The following COL9A3 variants were observed in gnomAD, a reference collection of about 807,000 sequenced individuals.
The protein encoded by COL9A3 is collagen type IX alpha 3 chain.
A neutral mutation model predicts 110.2 loss-of-function variants in COL9A3; 82 were observed. That is an observed-to-expected ratio of 0.74 (90% CI 0.62 to 0.89). COL9A3 has a LOEUF of 0.89. Among genes scored for constraint, COL9A3 ranks in the 40% least tolerant of loss-of-function variants. The probability of loss-of-function intolerance (pLI) is 0.00; values close to 1 mark genes in which losing one functional copy is unlikely to be tolerated. For missense variants in COL9A3, 1,066 were observed against 981.3 expected (o/e 1.09, Z -1.15); for synonymous variants, 494 against 403.8 (o/e 1.22, Z -2.68).
chr20:62,829,739 C>T (rs6011409), intron 21 of COL9A3, 27 bp from the exon 22 acceptor site: 5 of 1,594,026 alleles, frequency 3.1e-6, no homozygotes, highest in Admixed American at 1.8e-5. Context: ...AGACCCTGCC[C>T]TGACACCCTC....
chr20:62,820,971 G>C (rs2063508120), intron 5 of COL9A3, among the ~76,000 whole-genome samples: 1 of 152,142 alleles, frequency 6.6e-6, no homozygotes, highest in African/African-American at 2.4e-5. Context: ...GCGAGCGCTG[G>C]GACTCTGGTG....
chr20:62,821,076 C>G (rs2063508666), intron 5 of COL9A3, 105 bp from the exon 6 acceptor site: 1 of 1,205,818 alleles, frequency 8.3e-7, no homozygotes, highest in Non-Finnish European at 1.2e-6. Flanking sequence ...GACTTGGACC[C>G]TGTTGTCCTG....
Position 62,833,022 on chromosome 20 carries a change from T to C in COL9A3, c.1326T>C (p.Gly442=). Residue 442 remains glycine (G), a splice_region_variant and synonymous_variant, in exon 26 of 32, where the codon GGT becomes GGC. Transcript: ENST00000649368. Reference sequence around the variant, plus strand: ...ACTTTGGGGTGTATCGTTTTCAGGGTATTGCAGGTTCCGACGGTCTTCCTG... The same window carrying C: ...ACTTTGGGGTGTATCGTTTTCAGGGCATTGCAGGTTCCGACGGTCTTCCTG... ...GGAAGPKGDQ[G]IAGSDGLPGD... The C allele has an allele frequency of 6.2e-7, 1 of 1,613,760 alleles. No homozygotes were observed. The highest frequency in any genetic ancestry group is 8.5e-7 in the Non-Finnish European group (1 of 1,179,770).
chr20:62,835,891 A>C, intron 26 of COL9A3, 30 bp from the exon 27 acceptor site: 1 of 1,614,042 alleles, frequency 6.2e-7, no homozygotes. Flanking sequence ...CAATACACTT[A>C]GTTCAAACAC....
chr20:62,824,482 C>G lies in COL9A3; in HGVS notation c.557C>G (p.Pro186Arg). The G allele has an allele frequency of 6.3e-7, 1 of 1,599,576 alleles. No individual in the cohort carries two copies. The highest frequency in any genetic ancestry group is 1.1e-5 in the South Asian group (1 of 88,748). Residue 186 changes from proline (P) to arginine (R), a missense_variant, in exon 11 of 32, where the codon CCT becomes CGT. By Grantham distance (103) the Pro-to-Arg change is moderately radical (BLOSUM62 -2). Transcript: ENST00000649368. The stretch of plus-strand genomic sequence containing the variant: ...TGCCCGCCAGGTCCCCCAGGGCCCC[C>G]TGGAATGCCAGGGTTCAAGGTGAGT... ...SICPPGPPGP[P>R]GMPGFKGPTG...
Position 62,829,662 on chromosome 20 carries a change from C to A in COL9A3, c.1088C>A (p.Ser363Tyr), listed in dbSNP as rs376007941. Residue 363 changes from serine (S) to tyrosine (Y), a missense_variant, in exon 21 of 32, where the codon TCT (serine) becomes TAT (tyrosine). Coordinates refer to ENST00000649368, the MANE Select transcript of COL9A3 (RefSeq NM_001853.4). ...GGGGAGCTGGGTGAGGCCGGCCCCT[C>A]TGGAGAGCCAGGCGTCCCTGTGAGT... ...RAGELGEAGP[S>Y]GEPGVPGDAG... The A allele has an allele frequency of 2.5e-6, 4 of 1,609,524 alleles. No homozygotes were observed. In the South Asian group the frequency reaches 4.4e-5, roughly 18 times the overall value.
Position 62,827,172 on chromosome 20 carries a change from G to A in COL9A3, c.793-69G>A. On this transcript the variant is annotated intron_variant, in intron 15 of 31. Coordinates refer to ENST00000649368, the MANE Select transcript of COL9A3 (RefSeq NM_001853.4). ...CTGTCCCCCGCCCGGGCCTGGAGGG[G>A]CCCCCGTCCTACTCTCCGACCAACT... is the stretch of plus-strand genomic sequence containing the variant. The A allele has an allele frequency of 5.1e-6, 8 of 1,555,602 alleles. No homozygotes were observed. In the South Asian group the frequency reaches 8.9e-5, roughly 17 times the overall value.
rs1242629502 is a variant in COL9A3 at position 62,822,597 on chromosome 20, C to T, written c.484C>T (p.Pro162Ser). ...PPGPPGPPGH[P>S]GVLPEGATDL... ...CTGTCTCTTTTTGTCTTAGGGACAC[C>T]CAGGAGTCCTCCCTGAAGGCGCTAC... The change falls in exon 10 of 32, where the codon CCA (proline) becomes TCA (serine). Residue 162 changes from proline to serine, a missense_variant. Physicochemically the swap from Pro to Ser is moderately conservative, Grantham distance 74 (BLOSUM62 -1). Transcript: ENST00000649368. 4 of 1,612,578 alleles carry T rather than the reference C, an allele frequency of 2.5e-6. No individual in the cohort carries two copies. The highest frequency in any genetic ancestry group is 2.2e-5 in the East Asian group (1 of 44,886).
chr20:62,816,972 G>A, upstream of COL9A3: 4 of 715,654 alleles, frequency 5.6e-6, no homozygotes, highest in Non-Finnish European at 5.5e-6. Flanking sequence ...GCAGGCGGGG[G>A]CGGGAAGGGG....
chr20:62,834,350 G>A (rs1371764009), intron 26 of COL9A3, among the ~76,000 whole-genome samples: 1 of 152,194 alleles, frequency 6.6e-6, no homozygotes, highest in Non-Finnish European at 1.5e-5. Flanking sequence ...ACTTCCACAG[G>A]CCTAAAACTC....
At position 62,821,166 on chromosome 20, in the gene COL9A3, G is replaced by A; in HGVS notation, c.310-15G>A. On this transcript the variant is annotated splice_polypyrimidine_tract_variant and intron_variant, in intron 5 of 31. Transcript: ENST00000649368. ...GAGGCCCAGCCCAACCTAGACGCCTGCTTTCCTCCCACAGGGAAGTCTGGG... is the reference window on the plus strand; with the variant it reads ...GAGGCCCAGCCCAACCTAGACGCCTACTTTCCTCCCACAGGGAAGTCTGGG... 25 of 1,612,742 alleles carry A rather than the reference G, an allele frequency of 1.6e-5. No homozygotes were observed. Among genetic ancestry groups the A allele is most frequent in the Non-Finnish European group, 2.0e-5 (24 of 1,179,646 alleles).
intron 12 of COL9A3, chr20:62,825,447 T>G: frequency 2.6e-6 from 1 of 381,068 alleles, no homozygotes; most frequent in Non-Finnish European, 4.8e-6. Flanking sequence ...AGGGTGTCTG[T>G]CCATGGTCAC....
chr20:62,830,192 T>G (rs1158702195), intron 22 of COL9A3, among the ~76,000 whole-genome samples, 168 bp from the exon 23 acceptor site: 1 of 152,050 alleles, frequency 6.6e-6, no homozygotes, highest in Non-Finnish European at 1.5e-5. Context: ...CCCCCTAAAC[T>G]GCCCTGGGAG....
At position 62,819,849 on chromosome 20, in the gene COL9A3, G is replaced by A. The variant is rs532678240; in HGVS notation, c.256-80G>A. ...CCTCTCTGGACTCACCAAGGGAAGG[G>A]TCCGTGCTTCCATTTTTGCCTGGGG... is the stretch of plus-strand genomic sequence containing the variant. On this transcript the variant is annotated intron_variant, in intron 4 of 31. Coordinates refer to ENST00000649368, the MANE Select transcript of COL9A3 (RefSeq NM_001853.4). 9.7e-5 allele frequency: 146 copies of A among 1,510,256 alleles called. No homozygotes were observed. In the African/African-American group the frequency reaches 1.9e-3, roughly 20 times the overall value. 93.6% of individuals were successfully genotyped at this position (1,510,256 alleles called of 1,614,324 possible).
At chr20:62,820,128 G>A in intron 5 of COL9A3, 146 bp downstream of exon 5, 1 of 949,636 alleles carries the variant, frequency 1.1e-6, no homozygotes, top group Non-Finnish European at 1.6e-6. Flanking sequence ...GGGCAGAAGG[G>A]CAGGGTGCCA....
chr20:62,823,111 A>G (rs1213254916), intron 10 of COL9A3, among the ~76,000 whole-genome samples: 1 of 152,164 alleles, frequency 6.6e-6, no homozygotes, highest in Non-Finnish European at 1.5e-5. Flanking sequence ...CCCAGACAGG[A>G]GGATCGCTTA....
Position 62,822,041 on chromosome 20 carries a change from T to C in COL9A3, c.424-70T>C, listed in dbSNP as rs191513186. 4,967 of 982,248 alleles carry C rather than the reference T, an allele frequency of 5.1e-3. 22 individuals carry two copies. Among genetic ancestry groups the C allele is most frequent in the Non-Finnish European group, 7.2e-3 (4,338 of 604,116 alleles). 60.8% of individuals were successfully genotyped at this position (982,248 alleles called of 1,614,324 possible). A position where few individuals can be genotyped will look rare whatever the true frequency, so the allele number is the denominator to read the frequency against. ...TGGGAGCTGGGCGTGTCCACCTCCC[T>C]GGGAGAAGCCGGGCACCTCACTCAG... On this transcript the variant is annotated intron_variant, in intron 8 of 31. Coordinates refer to ENST00000649368, the MANE Select transcript of COL9A3 (RefSeq NM_001853.4).
intron 1 of COL9A3, 105 bp from the exon 2 acceptor site, chr20:62,817,462 G>C (rs1020552893): frequency 2.5e-6 from 2 of 799,064 alleles, no homozygotes; most frequent in East Asian, 5.7e-5. Context: ...CGAGGAGAGC[G>C]GCGGTCGTCG....
At chr20:62,836,889 C>T in intron 29 of COL9A3, 194 bp from the exon 30 acceptor site, 4 of 800,646 alleles carry the variant, frequency 5.0e-6, no homozygotes, top group Non-Finnish European at 8.4e-6. Context: ...ACTCAGGCTT[C>T]TCAGGCTCCA....
Sources: allele counts gnomAD v4.1 joint callset (sites outside exome capture counted in the v4.1 genomes callset), GRCh38; gene constraint gnomAD v4.1.1; transcripts MANE v1.5; gene names NCBI Gene and HGNC (gene_info 2026-07-23, HGNC 2026-07-21).